The following SMYD3 variants were observed in gnomAD, a reference collection of about 807,000 sequenced individuals.
The protein encoded by SMYD3 is SET and MYND domain containing 3, also known as histone-lysine N-methyltransferase SMYD3.
SMYD3 carries 36 observed loss-of-function variants against 57.7 expected under a neutral mutation model. That is an observed-to-expected ratio of 0.62 (90% CI 0.48 to 0.82). The LOEUF is 0.82. Ranked by LOEUF, SMYD3 falls within the 40% of genes least tolerant of loss-of-function variation. SMYD3 has a pLI of 0.00. For synonymous variants in SMYD3, 211 were observed against 195.0 expected (o/e 1.08, Z -0.68); for missense variants, 515 against 538.8 (o/e 0.96, Z 0.44).
intron 1 of SMYD3, among the ~76,000 whole-genome samples, chr1:246,470,805 T>C (rs1303840161): frequency 1.3e-5 from 2 of 151,716 alleles, no homozygotes; most frequent in Non-Finnish European, 2.9e-5. Context: ...ATTGGAAAAA[T>C]GAACTAGAGA....
chr1:245,928,915 A>G (rs949062917), intron 6 of SMYD3, among the ~76,000 whole-genome samples: 2 of 152,210 alleles, frequency 1.3e-5, no homozygotes, highest in African/African-American at 2.4e-5. Flanking sequence ...GACATTTCTT[A>G]CCATCTGGGA....
chr1:246,231,561 A>T (rs1470475745), intron 5 of SMYD3, among the ~76,000 whole-genome samples: 1 of 152,360 alleles, frequency 6.6e-6, no homozygotes, highest in Non-Finnish European at 1.5e-5. Flanking sequence ...TCCAATTGAC[A>T]CACAGAAAAA....
rs559591108 is a variant in SMYD3, at chr1:246,491,084, A to C, written c.164+15970T>G. ...TAGTTTGCCCCAACTCACATAACTCATAAAGAGGATAAGACAAGGGAAAGC... is the reference window on the plus strand; with the variant it reads ...TAGTTTGCCCCAACTCACATAACTCCTAAAGAGGATAAGACAAGGGAAAGC... On this transcript the variant is annotated intron_variant, in intron 1 of 11. Coordinates refer to ENST00000490107, the MANE Select transcript of SMYD3 (RefSeq NM_001167740.2). 2.0e-5 allele frequency among the ~76,000 whole-genome samples: 3 copies of C among 152,362 alleles called. No individual in the cohort carries two copies. In the East Asian group the frequency reaches 5.8e-4, roughly 29 times the overall value.
intron 5 of SMYD3, among the ~76,000 whole-genome samples, chr1:246,200,675 T>C (rs1407456553): frequency 2.0e-5 from 3 of 152,238 alleles, no homozygotes; most frequent in Non-Finnish European, 4.4e-5. Flanking sequence ...CCCACTGTAA[T>C]AGAGAAGATG....
At chr1:245,951,852 AAATTCC>A (rs1333538493) in intron 5 of SMYD3, among the ~76,000 whole-genome samples, 1 of 152,180 alleles carries the variant, frequency 6.6e-6, no homozygotes. Flanking sequence ...ATAAAAAATA[AAATTCC>A]ACATGATCCT....
chr1:246,190,214 A>C (rs73143353), intron 5 of SMYD3, among the ~76,000 whole-genome samples: 2,880 of 151,780 alleles, frequency 0.019, 98 homozygotes, highest in African/African-American at 0.066. Flanking sequence ...ACTGCTTAAC[A>C]AAGGATTAAG....
At chr1:246,229,442 A>G (rs1056042594) in intron 5 of SMYD3, among the ~76,000 whole-genome samples, 2 of 152,224 alleles carry the variant, frequency 1.3e-5, no homozygotes, top group African/African-American at 2.4e-5. Flanking sequence ...ATCCTATTGA[A>G]ATTTAAATTT....
At chr1:245,984,278 A>T (rs561673587) in intron 5 of SMYD3, among the ~76,000 whole-genome samples, 1 of 152,214 alleles carries the variant, frequency 6.6e-6, no homozygotes, top group East Asian at 1.9e-4. Context: ...GATTACAGGC[A>T]TAAGCTACTG....
rs1458815421 is a variant in SMYD3 at position 245,793,915 on chromosome 1, T to G, written c.1077-29766A>C. ...CAGCTTTCCTCTGATTAATGTGGTC[T>G]TGATATATCTCTATTTCATCTCATT... On this transcript the variant is annotated intron_variant, in intron 10 of 11. Transcript: ENST00000490107. Among the ~76,000 whole-genome samples, 6 of 152,364 alleles carry G rather than the reference T, an allele frequency of 3.9e-5. No homozygotes were observed. The East Asian group carries it at 1.2e-3, about 29-fold the overall frequency.
At chr1:245,916,505 T>C (rs1167300020) in intron 7 of SMYD3, among the ~76,000 whole-genome samples, 3 of 152,210 alleles carry the variant, frequency 2.0e-5, no homozygotes, top group Non-Finnish European at 4.4e-5. Context: ...CACTCTCAGT[T>C]GACAGTAACT....
chr1:245,920,476 T>C (rs1238448514), intron 7 of SMYD3, among the ~76,000 whole-genome samples: 1 of 152,154 alleles, frequency 6.6e-6, no homozygotes, highest in Non-Finnish European at 1.5e-5. Context: ...AACCTGAGTA[T>C]CTTTGTGTCT....
At chr1:246,219,150 C>A (rs1434589456) in intron 5 of SMYD3, among the ~76,000 whole-genome samples, 1 of 152,150 alleles carries the variant, frequency 6.6e-6, no homozygotes, top group East Asian at 1.9e-4. Flanking sequence ...CACCTTCAAG[C>A]CTCAAACCAT....
intron 5 of SMYD3, among the ~76,000 whole-genome samples, chr1:245,997,657 A>C (rs1182276644): frequency 6.6e-6 from 1 of 152,146 alleles, no homozygotes; most frequent in Non-Finnish European, 1.5e-5. Context: ...ATGCAGTTAC[A>C]CAGAGGAGCA....
intron 5 of SMYD3, among the ~76,000 whole-genome samples, chr1:245,991,667 C>T (rs993886116): frequency 6.6e-6 from 1 of 152,362 alleles, no homozygotes; most frequent in Non-Finnish European, 1.5e-5. Flanking sequence ...AGAGCTGCTA[C>T]AAGAAGGCAG....
At chr1:246,205,748 A>T (rs1203342772) in intron 5 of SMYD3, among the ~76,000 whole-genome samples, 1 of 144,310 alleles carries the variant, frequency 6.9e-6, no homozygotes, top group Non-Finnish European at 1.5e-5. Context: ...TGAACCCAGG[A>T]GGCGAGGTTG....
At chr1:246,403,191 A>C (rs2066800609) in intron 1 of SMYD3, among the ~76,000 whole-genome samples, 1 of 152,184 alleles carries the variant, frequency 6.6e-6, no homozygotes. Flanking sequence ...ACTACACAGA[A>C]CTAGTTGCAT....
intron 4 of SMYD3, among the ~76,000 whole-genome samples, chr1:246,328,170 G>C (rs1185432687): frequency 6.6e-6 from 1 of 151,856 alleles, no homozygotes; most frequent in South Asian, 2.1e-4. Flanking sequence ...CTCCAGCCTG[G>C]ACAAAAAGAG....
At chr1:246,438,635 T>C (rs1012898935) in intron 1 of SMYD3, among the ~76,000 whole-genome samples, 1 of 152,096 alleles carries the variant, frequency 6.6e-6, no homozygotes, top group Non-Finnish European at 1.5e-5. Context: ...CTTGTATACT[T>C]TATATCATCC....
At chr1:246,154,834 T>C (rs947984608) in intron 5 of SMYD3, among the ~76,000 whole-genome samples, 2 of 151,378 alleles carry the variant, frequency 1.3e-5, no homozygotes, top group Admixed American at 6.6e-5. Flanking sequence ...CAGGCTGGAG[T>C]GCACTGGTGC....
Sources: allele counts gnomAD v4.1 joint callset (sites outside exome capture counted in the v4.1 genomes callset), GRCh38; gene constraint gnomAD v4.1.1; transcripts MANE v1.5; gene names NCBI Gene and HGNC (gene_info 2026-07-23, HGNC 2026-07-21).